Variants in RGS6 observed in about 807,000 individuals in gnomAD.
RGS6 encodes the protein regulator of G protein signaling 6.
A neutral mutation model predicts 78.5 loss-of-function variants in RGS6; 30 were observed. The ratio of observed to expected loss-of-function variants is 0.38; its 90% confidence interval spans 0.29 to 0.52. RGS6 has a LOEUF of 0.52. RGS6 is among the 20% of genes least tolerant of loss of function. The probability of loss-of-function intolerance (pLI) is 0.85; values close to 1 mark genes in which losing one functional copy is unlikely to be tolerated. For synonymous variants in RGS6, 206 were observed against 206.0 expected, an observed-to-expected ratio of 1.00 and a Z score of 0.00; for missense variants, 495 against 609.7, an observed-to-expected ratio of 0.81 and a Z score of 1.98.
intron 3 of RGS6, among the ~76,000 whole-genome samples, chr14:72,422,682 G>T (rs1422246755): frequency 6.6e-6 from 1 of 152,156 alleles, no homozygotes; most frequent in Non-Finnish European, 1.5e-5. Context: ...ATGAGAGTGG[G>T]TGTCATTATG....
At chr14:72,059,591 T>G (rs1478318460) in intron 2 of RGS6, among the ~76,000 whole-genome samples, 2 of 152,152 alleles carry the variant, frequency 1.3e-5, no homozygotes, top group South Asian at 4.1e-4. Flanking sequence ...AGTTAAGGCA[T>G]GTGTTACCTC....
At chr14:72,135,908 AGGG>A (rs1182144435) in intron 2 of RGS6, among the ~76,000 whole-genome samples, 2 of 151,880 alleles carry the variant, frequency 1.3e-5, no homozygotes, top group Non-Finnish European at 2.9e-5. Flanking sequence ...AAGGAGGAGG[AGGG>A]GGAGGAAAAG....
chr14:72,185,674 G>A (rs773261595), intron 2 of RGS6, among the ~76,000 whole-genome samples: 5 of 152,218 alleles, frequency 3.3e-5, no homozygotes, highest in Non-Finnish European at 5.9e-5. Context: ...GCCAAGTGCT[G>A]TGGCTCATGC....
chr14:72,242,260 C>A (rs558558790), intron 2 of RGS6, among the ~76,000 whole-genome samples: 19 of 152,212 alleles, frequency 1.2e-4, no homozygotes, highest in African/African-American at 4.3e-4. Context: ...CATGAAGGTG[C>A]TCTTGGGCTT....
At chr14:72,330,021 A>G (rs1567771767) in intron 2 of RGS6, among the ~76,000 whole-genome samples, 1 of 152,242 alleles carries the variant, frequency 6.6e-6, no homozygotes, top group African/African-American at 2.4e-5. Flanking sequence ...CATCATGTCC[A>G]TTTTTGTGTT....
intron 17 of RGS6, among the ~76,000 whole-genome samples, chr14:72,559,003 A>G (rs1182664195): frequency 6.6e-6 from 1 of 152,106 alleles, no homozygotes; most frequent in Non-Finnish European, 1.5e-5. Flanking sequence ...ACTGACCAAC[A>G]CTGAGGAACA....
intron 2 of RGS6, among the ~76,000 whole-genome samples, chr14:72,149,902 T>C (rs1014279071): frequency 6.6e-6 from 1 of 152,184 alleles, no homozygotes; most frequent in Non-Finnish European, 1.5e-5. Context: ...GTATCTCTCC[T>C]TTATCCTTTA....
At chr14:72,451,229 T>C (rs2095485706) in intron 3 of RGS6, among the ~76,000 whole-genome samples, 1 of 151,968 alleles carries the variant, frequency 6.6e-6, no homozygotes, top group Non-Finnish European at 1.5e-5. Context: ...GTTGCATCAG[T>C]CTCCAGATGA....
intron 13 of RGS6, among the ~76,000 whole-genome samples, chr14:72,508,260 T>G (rs2096833876): frequency 6.6e-6 from 1 of 152,186 alleles, no homozygotes. Context: ...TGATTATGTG[T>G]GTTGGTGAAG....
At chr14:72,122,807 A>G (rs2096086072) in intron 2 of RGS6, among the ~76,000 whole-genome samples, 1 of 149,486 alleles carries the variant, frequency 6.7e-6, no homozygotes, top group Non-Finnish European at 1.5e-5. Context: ...GTACAAGTTT[A>G]AATATGGAAA....
chr14:72,246,440 CCTT>C (rs1430900421), intron 2 of RGS6, among the ~76,000 whole-genome samples: 28 of 152,298 alleles, frequency 1.8e-4, no homozygotes, highest in Middle Eastern at 3.4e-3. Flanking sequence ...TTTATGCTCT[CCTT>C]CTCCCTTAAA....
At chr14:72,363,159 G>A (rs2081811800) in intron 3 of RGS6, among the ~76,000 whole-genome samples, 1 of 152,118 alleles carries the variant, frequency 6.6e-6, no homozygotes, top group Non-Finnish European at 1.5e-5. Flanking sequence ...CCAAAGGTGG[G>A]GCTGCTTTTA....
intron 5 of RGS6, among the ~76,000 whole-genome samples, chr14:72,459,143 G>A (rs1281097169): frequency 6.6e-6 from 1 of 152,168 alleles, no homozygotes; most frequent in Non-Finnish European, 1.5e-5. Context: ...CCTTCTCGGA[G>A]TGAAGTTTCT....
At chr14:71,979,132 T>C (rs1359963429) in intron 2 of RGS6, among the ~76,000 whole-genome samples, 13 of 147,758 alleles carry the variant, frequency 8.8e-5, no homozygotes, top group African/African-American at 3.1e-4. Flanking sequence ...TTTTTTATTG[T>C]GTCTATTTGA....
chr14:72,087,873 G>A (rs1016475183), intron 2 of RGS6, among the ~76,000 whole-genome samples: 2 of 152,114 alleles, frequency 1.3e-5, no homozygotes, highest in Non-Finnish European at 2.9e-5. Context: ...TAAATTGCAT[G>A]GATGAGCTCA....
chr14:72,182,778 A>G (rs1050675477), intron 2 of RGS6, among the ~76,000 whole-genome samples: 2 of 152,224 alleles, frequency 1.3e-5, no homozygotes, highest in African/African-American at 4.8e-5. Flanking sequence ...CATTGTGGGG[A>G]AATGTGCCAA....
intron 2 of RGS6, among the ~76,000 whole-genome samples, chr14:72,215,095 C>A (rs192181005): frequency 6.6e-6 from 1 of 152,160 alleles, no homozygotes; most frequent in Non-Finnish European, 1.5e-5. Flanking sequence ...TAATTGTATT[C>A]GTTGTTGTTC....
chr14:71,978,328 C>G (rs1034471030), intron 2 of RGS6, among the ~76,000 whole-genome samples: 4 of 119,728 alleles, frequency 3.3e-5, no homozygotes, highest in Admixed American at 9.6e-5. Context: ...AGAGGGCATC[C>G]CTGTCTTGTG....
intron 2 of RGS6, among the ~76,000 whole-genome samples, chr14:72,090,878 TC>T (rs1288996085): frequency 9.2e-5 from 14 of 152,070 alleles, no homozygotes; most frequent in African/African-American, 3.4e-4. Context: ...TCGGTGAAGG[TC>T]CTCCCTCCTC....
Sources: allele counts gnomAD v4.1 joint callset (sites outside exome capture counted in the v4.1 genomes callset), GRCh38; gene constraint gnomAD v4.1.1; transcripts MANE v1.5; gene names NCBI Gene and HGNC (gene_info 2026-07-23, HGNC 2026-07-21).